The following PITPNC1 variants were observed in gnomAD, a reference collection of about 807,000 sequenced individuals.
The protein encoded by PITPNC1 is phosphatidylinositol transfer protein cytoplasmic 1.
In PITPNC1, 18 loss-of-function variants were observed where a neutral mutation model predicts 44.7. The ratio of observed to expected loss-of-function variants is 0.40; its 90% CI spans 0.28 to 0.60. The LOEUF is 0.60. Among genes scored for constraint, PITPNC1 ranks in the 20% least tolerant of loss-of-function variants. The probability of loss-of-function intolerance (pLI) is 0.39; values close to 1 mark genes in which losing one functional copy is unlikely to be tolerated. For synonymous variants in PITPNC1, 141 were observed against 149.6 expected (o/e 0.94, Z 0.42); for missense variants, 290 against 418.4 (o/e 0.69, Z 2.68).
In PITPNC1 at chr17:67,675,485, C is replaced by A; in HGVS notation, c.625C>A (p.Arg209=). 6.2e-7 allele frequency: 1 copy of A among 1,606,794 alleles called. No individual in the cohort carries two copies. The highest frequency in any genetic ancestry group is 8.5e-7 in the Non-Finnish European group (1 of 1,173,494). The change falls in exon 8 of 9, where the codon CGA becomes AGA. Residue 209 remains arginine, a synonymous_variant. Transcript: ENST00000581322. ...RVEQFVHKVV[R]DILLIGHRQA... ...TCCTTCTTTTACTTTTTAGGTGGTC[C>A]GAGACATTCTGCTGATTGGACATAG...
At chr17:67,498,394 G>A (rs1006484475) in intron 1 of PITPNC1, among the ~76,000 whole-genome samples, 5 of 152,196 alleles carry the variant, frequency 3.3e-5, no homozygotes, top group Admixed American at 3.3e-4. Flanking sequence ...AGGAGTTCAA[G>A]AAAATACTCC....
chr17:67,539,216 G>C (rs768342888), intron 2 of PITPNC1, among the ~76,000 whole-genome samples: 2 of 152,182 alleles, frequency 1.3e-5, no homozygotes, highest in Non-Finnish European at 2.9e-5. Flanking sequence ...ATGCTAGTAA[G>C]AGATATAAAC....
At chr17:67,462,698 ATTTTTTTT>A (rs34015766) in intron 1 of PITPNC1, among the ~76,000 whole-genome samples, 1 of 122,340 alleles carries the variant, frequency 8.2e-6, no homozygotes, top group Non-Finnish European at 1.7e-5. Flanking sequence ...CACAATTGGA[ATTTTTTTT>A]TTTTTTTTTT....
Position 67,545,806 on chromosome 17 carries a change from C to T in PITPNC1, c.198-6451C>T, listed in dbSNP as rs1406223300. 1.3e-5 allele frequency among the ~76,000 whole-genome samples: 2 copies of T among 152,104 alleles called. 1 individual carries two copies. Among genetic ancestry groups the T allele is most frequent in the East Asian group, 3.8e-4 (2 of 5,196 alleles). Reference sequence around the variant, plus strand: ...AGAGACAGAAACACCTGCTGGGCATCACACACCGTTCTAGGTGCTGGGGTT... The same window carrying T: ...AGAGACAGAAACACCTGCTGGGCATTACACACCGTTCTAGGTGCTGGGGTT... On this transcript the variant is annotated intron_variant, in intron 2 of 8. Transcript: ENST00000581322.
At chr17:67,678,324 C>T (rs1418574590) in intron 8 of PITPNC1, among the ~76,000 whole-genome samples, 5 of 152,028 alleles carry the variant, frequency 3.3e-5, no homozygotes, top group Non-Finnish European at 4.4e-5. Context: ...CAAAAGAGAG[C>T]ACTTATTTAC....
chr17:67,631,050 GTTGTTATTATTATTATTA>G (rs2041959679), intron 5 of PITPNC1, among the ~76,000 whole-genome samples: 1 of 134,424 alleles, frequency 7.4e-6, no homozygotes, highest in Non-Finnish European at 1.6e-5. Context: ...TGTTGTTGTT[GTTGTTATTATTATTATTA>G]TTATTATTAT....
At chr17:67,594,102 C>G (rs2041428596) in intron 5 of PITPNC1, among the ~76,000 whole-genome samples, 1 of 152,182 alleles carries the variant, frequency 6.6e-6, no homozygotes, top group Non-Finnish European at 1.5e-5. Flanking sequence ...TAGTAGGATT[C>G]TGTACTAGAA....
intron 1 of PITPNC1, among the ~76,000 whole-genome samples, chr17:67,510,449 C>G (rs560243160): frequency 6.6e-6 from 1 of 152,192 alleles, no homozygotes; most frequent in Admixed American, 6.5e-5. Context: ...CTCTTTAGAC[C>G]CCTGGGCTGG....
At chr17:67,623,580 CATCA>C (rs2041860415) in intron 5 of PITPNC1, among the ~76,000 whole-genome samples, 1 of 152,152 alleles carries the variant, frequency 6.6e-6, no homozygotes, top group East Asian at 1.9e-4. Flanking sequence ...GACGGGGTTT[CATCA>C]TGTTGACCAG....
chr17:67,620,333 C>T (rs912744120), intron 5 of PITPNC1, among the ~76,000 whole-genome samples: 3 of 152,160 alleles, frequency 2.0e-5, no homozygotes, highest in Non-Finnish European at 4.4e-5. Flanking sequence ...GGATTACAGG[C>T]GTGAGCCACT....
chr17:67,523,806 CG>C lies in PITPNC1; in HGVS notation c.49-8995del, dbSNP rs368042158. Among the ~76,000 whole-genome samples the C allele has an allele frequency of 2.6e-3, 333 of 127,584 alleles. 30 individuals are homozygous for C. The highest frequency in any genetic ancestry group is 5.3e-3 in the African/African-American group (180 of 34,028). 83.7% of individuals were successfully genotyped at this position (127,584 alleles called of 152,430 possible). A position where few individuals can be genotyped will look rare whatever the true frequency, so the allele number is the denominator to read the frequency against. The stretch of plus-strand genomic sequence containing the variant: ...CACCAGCTCAGAAATACATGGAAAC[CG>C]TTTTTTTTTTTTTTTTTTTTTTTAA... On this transcript the variant is annotated intron_variant, in intron 1 of 8. Transcript: ENST00000581322.
intron 5 of PITPNC1, among the ~76,000 whole-genome samples, chr17:67,629,993 G>A (rs946715435): frequency 9.9e-5 from 15 of 152,202 alleles, no homozygotes; most frequent in African/African-American, 3.6e-4. Context: ...ACCACCAGCC[G>A]ACTTGGAGGA....
chr17:67,667,159 C>A (rs1035684316), intron 6 of PITPNC1, among the ~76,000 whole-genome samples: 1 of 152,246 alleles, frequency 6.6e-6, no homozygotes, highest in South Asian at 2.1e-4. Flanking sequence ...CCAACATCCC[C>A]GTGAACAGGA....
chr17:67,411,707 G>A (rs1160422901), intron 1 of PITPNC1, among the ~76,000 whole-genome samples: 5 of 152,108 alleles, frequency 3.3e-5, no homozygotes, highest in Non-Finnish European at 7.4e-5. Flanking sequence ...ACTGGGGCAC[G>A]AGATCAGAGC....
At chr17:67,663,994 G>T (rs1321907233) in intron 6 of PITPNC1, among the ~76,000 whole-genome samples, 1 of 152,068 alleles carries the variant, frequency 6.6e-6, no homozygotes, top group Non-Finnish European at 1.5e-5. Flanking sequence ...ATGGAGTCTT[G>T]CTCTGTCGCC....
At chr17:67,617,435 CAG>C (rs2041774290) in intron 5 of PITPNC1, among the ~76,000 whole-genome samples, 1 of 152,170 alleles carries the variant, frequency 6.6e-6, no homozygotes, top group Admixed American at 6.5e-5. Flanking sequence ...AACCCAGCTG[CAG>C]AGTTTGCAGT....
rs1051446107 is a variant in PITPNC1 at position 67,606,987 on chromosome 17, C to T, written c.367-25156C>T. Among the ~76,000 whole-genome samples, 6 of 152,260 alleles carry T rather than the reference C, an allele frequency of 3.9e-5. No homozygotes were observed. The South Asian group carries it at 1.0e-3, about 26-fold the overall frequency. On this transcript the variant is annotated intron_variant, in intron 5 of 8. Transcript: ENST00000581322. ...CTGCAATAACCCTTCCAACCTGCTC[C>T]GCTCTCCTGTCCTTGGCTGGCCCAT...
intron 1 of PITPNC1, among the ~76,000 whole-genome samples, chr17:67,417,995 C>T (rs1436320756): frequency 6.6e-6 from 1 of 152,118 alleles, no homozygotes; most frequent in Non-Finnish European, 1.5e-5. Context: ...AGTGGACGTC[C>T]AGCCACTGTA....
intron 1 of PITPNC1, among the ~76,000 whole-genome samples, chr17:67,417,507 A>G (rs540558585): frequency 1.3e-5 from 2 of 152,106 alleles, no homozygotes; most frequent in Admixed American, 6.6e-5. Context: ...TTTAACCTAC[A>G]TATAATTTCT....
Sources: allele counts gnomAD v4.1 joint callset (sites outside exome capture counted in the v4.1 genomes callset), GRCh38; gene constraint gnomAD v4.1.1; transcripts MANE v1.5; gene names NCBI Gene and HGNC (gene_info 2026-07-23, HGNC 2026-07-21).